BACH2: variants seen among roughly 807,000 people sequenced by gnomAD.
The protein encoded by BACH2 is transcription regulator protein BACH2.
Under a neutral mutation model 61.8 loss-of-function variants are expected in BACH2, and 5 were observed. That is an observed-to-expected ratio of 0.08 (90% CI 0.04 to 0.17). The LOEUF is 0.17. Ranked by LOEUF, BACH2 falls within the 10% of genes least tolerant of loss-of-function variation. The probability of loss-of-function intolerance (pLI) is 1.00; values close to 1 mark genes in which losing one functional copy is unlikely to be tolerated. For missense variants in BACH2, 824 were observed against 1,091.1 expected (o/e 0.76, Z 3.45); for synonymous variants, 446 against 440.1 (o/e 1.01, Z -0.17).
At chr6:90,146,217 G>A (rs1344607914) in intron 4 of BACH2, among the ~76,000 whole-genome samples, 1 of 151,668 alleles carries the variant, frequency 6.6e-6, no homozygotes, top group African/African-American at 2.4e-5. Flanking sequence ...CAGAAGTGAT[G>A]TTACCTGACT....
chr6:90,204,507 C>T (rs567774476), intron 4 of BACH2, among the ~76,000 whole-genome samples: 1 of 152,200 alleles, frequency 6.6e-6, no homozygotes, highest in African/African-American at 2.4e-5. Flanking sequence ...AAATAAAGAA[C>T]GTACTGAGCC....
chr6:90,152,944 G>A (rs1319931992), intron 4 of BACH2, among the ~76,000 whole-genome samples: 1 of 152,168 alleles, frequency 6.6e-6, no homozygotes, highest in Non-Finnish European at 1.5e-5. Context: ...AGAGAAAACA[G>A]ACTTAAGCTA....
intron 3 of BACH2, among the ~76,000 whole-genome samples, chr6:90,229,265 C>A (rs1770014859): frequency 6.6e-6 from 1 of 152,184 alleles, no homozygotes; most frequent in South Asian, 2.1e-4. Flanking sequence ...TCAAGACCAG[C>A]CTGGCCAACA....
chr6:90,273,946 T>C (rs1771605320), intron 1 of BACH2, among the ~76,000 whole-genome samples: 1 of 152,192 alleles, frequency 6.6e-6, no homozygotes, highest in Non-Finnish European at 1.5e-5. Context: ...CATGTAAAGC[T>C]CCTATCATAT....
intron 4 of BACH2, among the ~76,000 whole-genome samples, chr6:90,157,315 G>C (rs1252857585): frequency 6.6e-6 from 1 of 152,194 alleles, no homozygotes; most frequent in East Asian, 1.9e-4. Context: ...AATGAGAAAA[G>C]AGAAAACAAT....
intron 1 of BACH2, among the ~76,000 whole-genome samples, chr6:90,292,052 T>C (rs1772197442): frequency 6.6e-6 from 1 of 152,236 alleles, no homozygotes; most frequent in African/African-American, 2.4e-5. Flanking sequence ...TATTGTTCTC[T>C]GTTCTATGTG....
intron 5 of BACH2, among the ~76,000 whole-genome samples, chr6:90,049,353 G>A (rs1255051694): frequency 6.6e-6 from 1 of 152,110 alleles, no homozygotes; most frequent in Non-Finnish European, 1.5e-5. Context: ...GAAGTCACTG[G>A]GTGACTACGG....
intron 5 of BACH2, among the ~76,000 whole-genome samples, chr6:90,014,277 CTTT>C (rs199836033): frequency 7.6e-6 from 1 of 130,738 alleles, no homozygotes; most frequent in East Asian, 2.1e-4. Flanking sequence ...TTTCTAAAAG[CTTT>C]TTTTTTTTTT....
intron 6 of BACH2, among the ~76,000 whole-genome samples, chr6:89,958,259 G>A (rs1774533815): frequency 6.6e-6 from 1 of 152,184 alleles, no homozygotes; most frequent in South Asian, 2.1e-4. Context: ...GGGATTACAG[G>A]CATGAGCCAC....
intron 3 of BACH2, among the ~76,000 whole-genome samples, chr6:90,223,255 G>A (rs920239037): frequency 1.3e-5 from 2 of 152,178 alleles, no homozygotes; most frequent in African/African-American, 2.4e-5. Flanking sequence ...GCTGGGCACT[G>A]GGGAAGCAAA....
At chr6:90,114,534 T>C (rs901298005) in intron 4 of BACH2, among the ~76,000 whole-genome samples, 1 of 152,128 alleles carries the variant, frequency 6.6e-6, no homozygotes, top group African/African-American at 2.4e-5. Flanking sequence ...ATAAGAGCCA[T>C]CTATGATAAA....
intron 3 of BACH2, among the ~76,000 whole-genome samples, chr6:90,209,341 C>A (rs1366277794): frequency 6.6e-6 from 1 of 152,068 alleles, no homozygotes; most frequent in African/African-American, 2.4e-5. Flanking sequence ...GTAATCATGG[C>A]TTCAAAGTCA....
intron 4 of BACH2, among the ~76,000 whole-genome samples, chr6:90,194,106 G>C (rs1768671140): frequency 6.6e-6 from 1 of 151,814 alleles, no homozygotes; most frequent in African/African-American, 2.4e-5. Flanking sequence ...TTTCTATCAA[G>C]TAGCCCAAGT....
chr6:90,114,694 C>T (rs1159349644), intron 4 of BACH2, among the ~76,000 whole-genome samples: 1 of 152,060 alleles, frequency 6.6e-6, no homozygotes, highest in Non-Finnish European at 1.5e-5. Flanking sequence ...AGAAATAAAG[C>T]GTATCCAAAT....
chr6:90,073,180 G>A (rs1057060429), intron 5 of BACH2, among the ~76,000 whole-genome samples: 4 of 152,184 alleles, frequency 2.6e-5, no homozygotes, highest in Admixed American at 2.0e-4. Context: ...CAATGAAGAT[G>A]AGGCTCCTTT....
At chr6:90,138,091 GTC>G (rs148368802) in intron 4 of BACH2, among the ~76,000 whole-genome samples, 1 of 126,330 alleles carries the variant, frequency 7.9e-6, no homozygotes, top group Non-Finnish European at 1.7e-5. Context: ...CACACACACA[GTC>G]TCTCTCTCTC....
intron 4 of BACH2, among the ~76,000 whole-genome samples, chr6:90,103,025 ATATATTTTT>A (rs1156660901): frequency 1.7e-3 from 48 of 27,504 alleles, no homozygotes; most frequent in African/African-American, 8.1e-3. Context: ...ATATATATAT[ATATATTTTT>A]TTTTTTTTTT....
intron 4 of BACH2, among the ~76,000 whole-genome samples, chr6:90,193,708 A>G (rs1054973120): frequency 7.9e-5 from 12 of 152,246 alleles, no homozygotes; most frequent in African/African-American, 2.7e-4. Flanking sequence ...TGAGCAAGAA[A>G]GGAAACTAGT....
intron 2 of BACH2, among the ~76,000 whole-genome samples, chr6:90,271,154 G>A (rs1000520551): frequency 6.6e-6 from 1 of 151,982 alleles, no homozygotes. Context: ...TCTAGACATT[G>A]GCTTAGGCAA....
Sources: gnomAD v4.1 joint callset for allele counts (sites outside exome capture counted in the v4.1 genomes callset) on GRCh38, gnomAD v4.1.1 for gene constraint, MANE v1.5 for transcripts, NCBI Gene and HGNC (gene_info 2026-07-23, HGNC 2026-07-21) for gene names.